ZFHX4: variants seen among roughly 807,000 people sequenced by gnomAD.
ZFHX4 encodes zinc finger homeobox 4, also known as zinc finger homeobox protein 4.
Under a neutral mutation model 267.6 loss-of-function variants are expected in ZFHX4, and 56 were observed. The ratio of observed to expected loss-of-function variants is 0.21; its 90% CI spans 0.17 to 0.26. The LOEUF (loss-of-function observed/expected upper bound fraction) is 0.26, where lower values mean the gene tolerates loss of function less well. Ranked by LOEUF, ZFHX4 falls within the 10% of genes least tolerant of loss-of-function variation. The pLI is 1.00. For synonymous variants in ZFHX4, 1,778 were observed against 1,665.6 expected, an observed-to-expected ratio of 1.07 and a Z score of -1.64; for missense variants, 4,332 against 4,420.0, an observed-to-expected ratio of 0.98 and a Z score of 0.56.
intron 4 of ZFHX4, among the ~76,000 whole-genome samples, chr8:76,783,426 G>C (rs2131786258): frequency 6.6e-6 from 1 of 152,066 alleles, no homozygotes; most frequent in Non-Finnish European, 1.5e-5. Flanking sequence ...AAACTGAAAT[G>C]CTAACCATTT....
chr8:76,843,017 T>C (rs568241071), intron 6 of ZFHX4, among the ~76,000 whole-genome samples: 7 of 152,356 alleles, frequency 4.6e-5, no homozygotes, highest in Non-Finnish European at 1.0e-4. Flanking sequence ...TTGAAGAATA[T>C]TACAGGACGA....
chr8:76,794,298 T>A (rs1425138503), intron 4 of ZFHX4, among the ~76,000 whole-genome samples: 1 of 152,152 alleles, frequency 6.6e-6, no homozygotes, highest in African/African-American at 2.4e-5. Context: ...TATTTCCCAA[T>A]TTTCAGCTGA....
At chr8:76,722,717 A>G (rs1022168717) in intron 3 of ZFHX4, among the ~76,000 whole-genome samples, 1 of 151,960 alleles carries the variant, frequency 6.6e-6, no homozygotes, top group East Asian at 1.9e-4. Context: ...TAGCTTTGAA[A>G]AAAAAGGGAT....
At chr8:76,802,324 GCA>G (rs1811136926) in intron 4 of ZFHX4, among the ~76,000 whole-genome samples, 1 of 152,120 alleles carries the variant, frequency 6.6e-6, no homozygotes, top group Admixed American at 6.6e-5. Context: ...TATAAAGAGA[GCA>G]ATTTTAGTTG....
At chr8:76,722,525 T>C (rs57871333) in intron 3 of ZFHX4, among the ~76,000 whole-genome samples, 7,848 of 151,942 alleles carry the variant, frequency 0.052, 418 homozygotes, top group East Asian at 0.24. Flanking sequence ...GCCTATATCT[T>C]TCTGTAACTC....
intron 5 of ZFHX4, among the ~76,000 whole-genome samples, chr8:76,833,860 C>A (rs1007292324): frequency 6.6e-6 from 1 of 152,178 alleles, no homozygotes; most frequent in Non-Finnish European, 1.5e-5. Context: ...TTTCACTTCT[C>A]TATAAATCTT....
chr8:76,749,530 G>A (rs1332390007), intron 3 of ZFHX4, among the ~76,000 whole-genome samples: 3 of 152,146 alleles, frequency 2.0e-5, no homozygotes, highest in Admixed American at 6.5e-5. Context: ...TTGACTAGCT[G>A]CCTATTCATT....
rs759796696 is a variant in ZFHX4 at position 76,854,176 on chromosome 8, T to G, written c.7255T>G (p.Ser2419Ala). The G allele has an allele frequency of 1.3e-6, 2 of 1,579,654 alleles. No homozygotes were observed. The highest frequency in any genetic ancestry group is 4.7e-5 in the East Asian group (2 of 42,400). ...AGAAAAGCCAAAGCAGAGTGACCCC[T>G]CTCCCCCTTCTCAAGGCACCAAACC... ...PAEKPKQSDP[S>A]PPSQGTKPAL... Residue 2419 changes from serine (S) to alanine (A), a missense_variant, in exon 10 of 11, where the codon TCT becomes GCT. Ser to Ala is a moderately conservative substitution (Grantham distance 99). Transcript: ENST00000651372.
chr8:76,737,497 T>G (rs1809195575), intron 3 of ZFHX4, among the ~76,000 whole-genome samples: 1 of 152,200 alleles, frequency 6.6e-6, no homozygotes, highest in South Asian at 2.1e-4. Flanking sequence ...AGCATTATAG[T>G]AATTAAGGGC....
chr8:76,851,695 C>G lies in ZFHX4; in HGVS notation c.4774C>G (p.Pro1592Ala). ...AACCAACAGCAACACAGATAACAAA[C>G]CCTACAAGTGCAGCATCTGCAATGT... ...QETNSNTDNKPYKCSICNVAY... is the reference protein window; with the variant it reads ...QETNSNTDNKAYKCSICNVAY... The change falls in exon 10 of 11, where the codon CCC (proline) becomes GCC (alanine). Residue 1592 changes from proline to alanine, a missense_variant. Pro to Ala is a conservative substitution (Grantham distance 27). Transcript: ENST00000651372. 2.5e-6 allele frequency: 4 copies of G among 1,613,956 alleles called. No individual in the cohort carries two copies. The highest frequency in any genetic ancestry group is 3.4e-6 in the Non-Finnish European group (4 of 1,179,874).
Position 76,855,026 on chromosome 8 carries a change from G to T in ZFHX4, c.8105G>T (p.Gly2702Val), listed in dbSNP as rs369317859. The change falls in exon 10 of 11, where the codon GGA becomes GTA. Residue 2702 changes from glycine (G) to valine (V), a missense_variant. Around this residue, in one of 7 missense-constraint regions of ZFHX4, gnomAD observed 1,648 missense variants for 1,625.0 expected, o/e 1.01. Coordinates refer to ENST00000651372, the MANE Select transcript of ZFHX4 (RefSeq NM_024721.5). ...SHIRSRHWNE[G>V]KQAGYSLPPS... ...ATTCGCTCTCGGCACTGGAATGAAG[G>T]AAAGCAGGCAGGTTACAGCTTGCCA... 10 of 1,613,854 alleles carry T rather than the reference G, an allele frequency of 6.2e-6. No individual in the cohort carries two copies. The African/African-American group carries it at 1.2e-4, about 19-fold the overall frequency.
intron 3 of ZFHX4, among the ~76,000 whole-genome samples, chr8:76,717,174 C>T (rs1369522002): frequency 1.3e-5 from 2 of 152,126 alleles, no homozygotes; most frequent in Non-Finnish European, 2.9e-5. Context: ...TTAAAAAAAT[C>T]ATCTTGTTTT....
chr8:76,760,916 A>T (rs1375224068), intron 3 of ZFHX4, among the ~76,000 whole-genome samples: 1 of 146,378 alleles, frequency 6.8e-6, no homozygotes, highest in Non-Finnish European at 1.5e-5. Context: ...GCAACAGGGC[A>T]AGACCCTGCC....
chr8:76,792,329 A>G (rs1393661253), intron 4 of ZFHX4, among the ~76,000 whole-genome samples: 1 of 152,204 alleles, frequency 6.6e-6, no homozygotes, highest in Non-Finnish European at 1.5e-5. Flanking sequence ...TGAAGTAATT[A>G]GTGAGCTGTG....
At chr8:76,801,129 A>G (rs540847811) in intron 4 of ZFHX4, among the ~76,000 whole-genome samples, 1 of 152,238 alleles carries the variant, frequency 6.6e-6, no homozygotes, top group Non-Finnish European at 1.5e-5. Context: ...AATTGACTGG[A>G]GAGAATGGAC....
chr8:76,806,740 A>G (rs1450371993), intron 4 of ZFHX4, among the ~76,000 whole-genome samples: 3 of 152,152 alleles, frequency 2.0e-5, no homozygotes, highest in Non-Finnish European at 2.9e-5. Context: ...GAGTTCTTAA[A>G]GAGAATTTAG....
At chr8:76,738,265 C>T (rs188519086) in intron 3 of ZFHX4, among the ~76,000 whole-genome samples, 135 of 152,226 alleles carry the variant, frequency 8.9e-4, no homozygotes, top group Non-Finnish European at 1.5e-3. Context: ...ATGAATGTGT[C>T]GTCTGATGGT....
chr8:76,827,995 A>G (rs1811832119), intron 4 of ZFHX4, among the ~76,000 whole-genome samples: 1 of 152,230 alleles, frequency 6.6e-6, no homozygotes, highest in African/African-American at 2.4e-5. Context: ...TGGTTACTCA[A>G]AACCATATGG....
chr8:76,835,230 T>TATAC (rs1563549027), intron 5 of ZFHX4, among the ~76,000 whole-genome samples: 1 of 123,418 alleles, frequency 8.1e-6, no homozygotes, highest in Non-Finnish European at 1.6e-5. Context: ...TATATATATA[T>TATAC]ATATATATAT....
Sources: allele counts gnomAD v4.1 joint callset (sites outside exome capture counted in the v4.1 genomes callset), GRCh38; gene constraint gnomAD v4.1.1; regional missense constraint gnomAD v4.1.1; transcripts MANE v1.5; gene names NCBI Gene and HGNC (gene_info 2026-07-23, HGNC 2026-07-21).